Variants in HERC4 observed in about 807,000 individuals in gnomAD.
HERC4 encodes the protein probable E3 ubiquitin-protein ligase HERC4.
HERC4 carries 28 observed loss-of-function variants against 124.3 expected under a neutral mutation model. That is an observed-to-expected ratio of 0.23 (90% CI 0.17 to 0.31). The LOEUF is 0.31. HERC4 is among the 10% of genes least tolerant of loss of function. The pLI is 1.00. For missense variants in HERC4, 713 were observed against 1,229.3 expected, an observed-to-expected ratio of 0.58 and a Z score of 6.28; for synonymous variants, 407 against 421.5, an observed-to-expected ratio of 0.97 and a Z score of 0.42.
intron 19 of HERC4, among the ~76,000 whole-genome samples, chr10:67,944,287 T>C (rs1434502508): frequency 2.0e-5 from 3 of 152,198 alleles, no homozygotes; most frequent in Non-Finnish European, 4.4e-5. Context: ...GGAAAGAGAA[T>C]AAGAGTCTCT....
At chr10:67,926,973 G>A (rs930507953) in intron 23 of HERC4, among the ~76,000 whole-genome samples, 5 of 151,958 alleles carry the variant, frequency 3.3e-5, no homozygotes, top group African/African-American at 1.2e-4. Flanking sequence ...TACATTATCC[G>A]GCACACAGTA....
At chr10:67,982,503 A>T (rs2035991178) in intron 15 of HERC4, among the ~76,000 whole-genome samples, 1 of 152,150 alleles carries the variant, frequency 6.6e-6, no homozygotes, top group Admixed American at 6.5e-5. Context: ...TAAATCTAAG[A>T]CCTCAAACTA....
At chr10:68,044,333 G>A (rs921200861) in intron 4 of HERC4, 71 bp downstream of exon 4, 2 of 1,444,350 alleles carry the variant, frequency 1.4e-6, no homozygotes, top group Non-Finnish European at 9.4e-7. Context: ...CCAAAGATAA[G>A]CAGAACAATT....
intron 6 of HERC4, 24 bp downstream of exon 6, chr10:68,033,941 A>G (rs1490541624): frequency 2.5e-6 from 4 of 1,588,292 alleles, no homozygotes; most frequent in South Asian, 1.1e-5. Context: ...AAGTACACTT[A>G]AACTATACAT....
intron 3 of HERC4, among the ~76,000 whole-genome samples, chr10:68,051,339 C>CAA (rs1324880891): frequency 7.2e-6 from 1 of 138,016 alleles, no homozygotes; most frequent in African/African-American, 2.8e-5. Flanking sequence ...AATGTTAACA[C>CAA]TATTTTTTTT....
chr10:67,949,427 A>G (rs1186557712), intron 19 of HERC4, among the ~76,000 whole-genome samples: 1 of 152,222 alleles, frequency 6.6e-6, no homozygotes, highest in Non-Finnish European at 1.5e-5. Context: ...TTCCTAAATC[A>G]TTCTATGAGA....
chr10:68,044,707 C>T (rs1237208209), intron 3 of HERC4, 144 bp from the exon 4 acceptor site: 8 of 689,232 alleles, frequency 1.2e-5, no homozygotes, highest in African/African-American at 5.4e-5. Flanking sequence ...TAAACACACA[C>T]TAGATATAAC....
Position 68,063,213 on chromosome 10 carries a change from T to A in HERC4, c.226+9670A>T, listed in dbSNP as rs569286336. 7.9e-4 allele frequency among the ~76,000 whole-genome samples: 121 copies of A among 152,296 alleles called. 1 individual carries two copies. The highest frequency in any genetic ancestry group is 2.6e-3 in the African/African-American group (107 of 41,574). On this transcript the variant is annotated intron_variant, in intron 3 of 24. Transcript: ENST00000373700. ...TGTCATACATTTTATTTATTTACTT[T>A]ATTATTTATTTTTTTAGTTGGAGTC...
rs368232102 is a variant in HERC4, at chr10:68,014,108, G to A, written c.987C>T (p.Thr329=). 7.1e-5 allele frequency: 114 copies of A among 1,613,464 alleles called. No homozygotes were observed. Among genetic ancestry groups the A allele is most frequent in the Admixed American group, 2.3e-4 (14 of 59,946 alleles). Reference sequence around the variant, plus strand: ...GGCTTTTCCTGTTGCTTGTTGAACCGGTTCCCAGCTGCCCATTACCACCAA... The same window carrying A: ...GGCTTTTCCTGTTGCTTGTTGAACCAGTTCCCAGCTGCCCATTACCACCAA... ...FGLGGNGQLG[T]GSTSNRKSPF... Residue 329 remains threonine (T), a synonymous_variant, in exon 9 of 25, where the codon ACC becomes ACT. Coordinates refer to ENST00000373700, the MANE Select transcript of HERC4 (RefSeq NM_015601.4).
intron 19 of HERC4, among the ~76,000 whole-genome samples, chr10:67,944,135 CCT>C: frequency 6.6e-6 from 1 of 152,322 alleles, no homozygotes; most frequent in South Asian, 2.1e-4. Context: ...TTACCATGAG[CCT>C]TAGGTGAGAC....
intron 3 of HERC4, among the ~76,000 whole-genome samples, chr10:68,051,337 C>G (rs2133596313): frequency 7.0e-6 from 1 of 142,642 alleles, no homozygotes; most frequent in Admixed American, 7.0e-5. Flanking sequence ...AAAATGTTAA[C>G]ACTATTTTTT....
At chr10:68,022,436 T>G (rs2038679817) in intron 8 of HERC4, among the ~76,000 whole-genome samples, 1 of 151,326 alleles carries the variant, frequency 6.6e-6, no homozygotes, top group African/African-American at 2.4e-5. Context: ...GAGGCAGAGG[T>G]TGCAGTGAGC....
intron 16 of HERC4, among the ~76,000 whole-genome samples, chr10:67,962,367 C>A (rs1027080851): frequency 6.6e-6 from 1 of 152,004 alleles, no homozygotes; most frequent in Non-Finnish European, 1.5e-5. Flanking sequence ...TTTTTTACTA[C>A]TACATGTAAG....
At chr10:68,072,841 T>C (rs1223129622) in intron 3 of HERC4, 42 bp downstream of exon 3, 1 of 1,343,258 alleles carries the variant, frequency 7.4e-7, no homozygotes, top group African/African-American at 1.5e-5. Flanking sequence ...TAAAATGATA[T>C]AATTATTAAA....
chr10:67,975,045 C>T (rs1022762578), intron 15 of HERC4, among the ~76,000 whole-genome samples: 23 of 152,128 alleles, frequency 1.5e-4, no homozygotes, highest in Admixed American at 1.5e-3. Flanking sequence ...AACAATTAGC[C>T]AGGCATGGTG....
chr10:68,005,050 C>T (rs1055214963), intron 9 of HERC4, among the ~76,000 whole-genome samples: 1 of 152,138 alleles, frequency 6.6e-6, no homozygotes, highest in Non-Finnish European at 1.5e-5. Flanking sequence ...ATGTCCTTGG[C>T]GCCCTTGTCC....
chr10:67,954,514 T>C (rs755776666), intron 19 of HERC4, 81 bp downstream of exon 19: 77 of 1,091,030 alleles, frequency 7.1e-5, no homozygotes, highest in Non-Finnish European at 9.2e-5. Context: ...TAATTCCTTA[T>C]TTACTGAATT....
chr10:68,035,172 T>TG (rs2039396489), intron 5 of HERC4, among the ~76,000 whole-genome samples: 1 of 151,060 alleles, frequency 6.6e-6, no homozygotes. Context: ...TTTTTTTTTT[T>TG]GAGACAGTCT....
At chr10:68,039,332 A>C in intron 4 of HERC4, 1 of 1,463,304 alleles carries the variant, frequency 6.8e-7, no homozygotes, top group South Asian at 1.4e-5. Flanking sequence ...AAAAAAAAAA[A>C]AAGAAAGAAA....
Sources: allele counts gnomAD v4.1 joint callset (sites outside exome capture counted in the v4.1 genomes callset), GRCh38; gene constraint gnomAD v4.1.1; transcripts MANE v1.5; gene names NCBI Gene and HGNC (gene_info 2026-07-23, HGNC 2026-07-21).